The following PIWIL2 variants were observed in gnomAD, a reference collection of about 807,000 sequenced individuals.
PIWIL2 encodes the protein piwi-like protein 2.
PIWIL2 carries 81 observed loss-of-function variants against 116.5 expected under a neutral mutation model. That is an observed-to-expected ratio of 0.70 (90% CI 0.58 to 0.84). The LOEUF is 0.84. Among genes scored for constraint, PIWIL2 ranks in the 40% least tolerant of loss-of-function variants. The pLI, the probability that PIWIL2 is intolerant of heterozygous loss-of-function variation, is 0.00. For synonymous variants in PIWIL2, 489 were observed against 429.5 expected (o/e 1.14, Z -1.71); for missense variants, 1,272 against 1,212.3 (o/e 1.05, Z -0.73).
At chr8:22,287,785 G>T (rs1414492236) in intron 7 of PIWIL2, 140 bp downstream of exon 7, 6 of 649,808 alleles carry the variant, frequency 9.2e-6, no homozygotes, top group East Asian at 2.7e-5. Context: ...GGGACTACAG[G>T]CGTGTGAGCC....
chr8:22,289,834 CT>C lies in PIWIL2; in HGVS notation c.987-8del. On this transcript the variant is annotated splice_polypyrimidine_tract_variant and intron_variant, in intron 8 of 22. Transcript: ENST00000356766. ...TCTTCTATTAGAAAACTCATACTTG[CT>C]TTTTATTTCAGGGTAATGAAACTTT... The C allele has an allele frequency of 6.5e-7, 1 of 1,540,394 alleles. No homozygotes were observed. Among genetic ancestry groups the C allele is most frequent in the Non-Finnish European group, 9.0e-7 (1 of 1,114,036 alleles).
intron 20 of PIWIL2, among the ~76,000 whole-genome samples, chr8:22,327,062 C>G (rs1303089939): frequency 1.7e-5 from 2 of 120,312 alleles, no homozygotes; most frequent in East Asian, 2.7e-4. Flanking sequence ...GAGTCTTGCT[C>G]TCTCACCCAG....
intron 20 of PIWIL2, among the ~76,000 whole-genome samples, chr8:22,332,968 T>C (rs532820830): frequency 3.3e-5 from 5 of 152,134 alleles, no homozygotes; most frequent in Non-Finnish European, 7.3e-5. Flanking sequence ...GAAAAAAATG[T>C]CATGTGGCTA....
chr8:22,320,510 C>T (rs1179900781), intron 20 of PIWIL2, among the ~76,000 whole-genome samples: 1 of 151,742 alleles, frequency 6.6e-6, no homozygotes, highest in African/African-American at 2.4e-5. Context: ...CTCTTAATCT[C>T]AAGTGATCCG....
In PIWIL2 at chr8:22,302,693, A is replaced by C. The variant is rs369795608; in HGVS notation, c.1182-1328A>C. On this transcript the variant is annotated intron_variant, in intron 10 of 22. Coordinates refer to ENST00000356766, the MANE Select transcript of PIWIL2 (RefSeq NM_018068.5). ...TATACTCAAACCCCATGACTCCATA[A>C]GGCTTCCATCTCTGCTAATGGATTT... Among the ~76,000 whole-genome samples, 202 of 152,272 alleles carry C rather than the reference A, an allele frequency of 1.3e-3. 4 individuals are homozygous for C. In the South Asian group the frequency reaches 0.04, roughly 30 times the overall value.
intron 14 of PIWIL2, among the ~76,000 whole-genome samples, chr8:22,309,694 A>G (rs1433739191): frequency 6.6e-6 from 1 of 152,236 alleles, no homozygotes; most frequent in Admixed American, 6.5e-5. Context: ...CTAAATAGAC[A>G]ATGTTTTCAA....
intron 21 of PIWIL2, 89 bp from the exon 22 acceptor site, chr8:22,354,182 T>G (rs1293157846): frequency 1.2e-5 from 10 of 844,786 alleles, no homozygotes; most frequent in Non-Finnish European, 1.8e-5. Context: ...TGAGCTTTAG[T>G]TGAAGGAGCT....
At position 22,287,584 on chromosome 8, in the gene PIWIL2, T is replaced by C; in HGVS notation, c.800T>C (p.Val267Ala). ...GGCATGTTGAAGGACCATCAAGCTG[T>C]CACCGGCAACGTCACTGCGTTTGAT... ...RFGMLKDHQA[V>A]TGNVTAFDGS... Residue 267 changes from valine to alanine, a missense_variant, in exon 7 of 23, where the codon GTC (valine) becomes GCC (alanine). Transcript: ENST00000356766. The C allele has an allele frequency of 6.2e-7, 1 of 1,614,066 alleles. No homozygotes were observed. The highest frequency in any genetic ancestry group is 1.1e-5 in the South Asian group (1 of 91,086).
chr8:22,314,553 C>G (rs1222573065), intron 17 of PIWIL2, 124 bp downstream of exon 17: 1 of 464,680 alleles, frequency 2.2e-6, no homozygotes, highest in Non-Finnish European at 3.8e-6. Flanking sequence ...GCTGAGCCTT[C>G]TGGTGAAAGG....
At chr8:22,288,689 A>T (rs778743168) in intron 8 of PIWIL2, 23 bp downstream of exon 8, 2 of 1,595,060 alleles carry the variant, frequency 1.3e-6, no homozygotes, top group Non-Finnish European at 1.7e-6. Flanking sequence ...CTGAAGTTCT[A>T]TTGTCCTGTA....
At chr8:22,308,503 AT>A (rs1321127441) in intron 14 of PIWIL2, among the ~76,000 whole-genome samples, 9 of 152,050 alleles carry the variant, frequency 5.9e-5, no homozygotes, top group African/African-American at 9.7e-5. Context: ...AAACACAAAA[AT>A]TAGCTGAGTG....
chr8:22,295,297 CT>C (rs1402900664), intron 10 of PIWIL2, among the ~76,000 whole-genome samples: 74 of 151,756 alleles, frequency 4.9e-4, no homozygotes, highest in Non-Finnish European at 9.9e-4. Flanking sequence ...CCTCAGCTTC[CT>C]GAGTAACTGG....
intron 20 of PIWIL2, among the ~76,000 whole-genome samples, chr8:22,326,088 T>A (rs1019220434): frequency 6.6e-6 from 1 of 152,146 alleles, no homozygotes; most frequent in Non-Finnish European, 1.5e-5. Context: ...GTCTACTCAT[T>A]TCATGGAGCC....
At chr8:22,279,000 C>G (rs1488827478) in intron 1 of PIWIL2, among the ~76,000 whole-genome samples, 5 of 152,112 alleles carry the variant, frequency 3.3e-5, no homozygotes, top group Admixed American at 1.3e-4. Context: ...TATTATATTT[C>G]ATTATCTATT....
In PIWIL2 at chr8:22,356,411, G is replaced by A. The variant is rs1014060912; in HGVS notation, c.*906G>A. The A allele has an allele frequency of 7.2e-5, 11 of 152,182 alleles. No homozygotes were observed. The highest frequency in any genetic ancestry group is 2.4e-4 in the African/African-American group (10 of 41,428). The allele number at this position is 152,182 out of a possible 1,614,324, so 9.4% of individuals were successfully genotyped here. ...TTGGATTCGAAAATGGCTTCCCTTG[G>A]CCTCTTGAAAGAGTGCAGATGAAGC... On this transcript the variant is annotated 3_prime_UTR_variant, in exon 23 of 23. Coordinates refer to ENST00000356766, the MANE Select transcript of PIWIL2 (RefSeq NM_018068.5).
intron 20 of PIWIL2, among the ~76,000 whole-genome samples, chr8:22,330,910 C>A (rs1477629732): frequency 6.6e-6 from 1 of 152,036 alleles, no homozygotes; most frequent in Non-Finnish European, 1.5e-5. Context: ...CGAGGTGGCT[C>A]ACGCCTGTAA....
At position 22,304,151 on chromosome 8, in the gene PIWIL2, C is replaced by G. The variant is rs776796331; in HGVS notation, c.1312C>G (p.Pro438Ala). 5 of 1,613,492 alleles carry G rather than the reference C, an allele frequency of 3.1e-6. No individual in the cohort carries two copies. The highest frequency in any genetic ancestry group is 1.1e-5 in the South Asian group (1 of 91,034). Residue 438 changes from proline to alanine, a missense_variant, in exon 11 of 23, where the codon CCA (proline) becomes GCA (alanine). Transcript: ENST00000356766. ...TGATGATGTGGATTGGAATAAGACT[C>G]CAAAGGATAGCTTCACGATGTCTGA... ...RIDDVDWNKT[P>A]KDSFTMSDGK...
At position 22,277,562 on chromosome 8, in the gene PIWIL2, G is replaced by C. The variant is rs558220512; in HGVS notation, c.-46-1779G>C. ...TATTTTTTAATTATTTGTAGAGACA[G>C]GGTCTCGTTGTGTTCCTAAGACTGG... On this transcript the variant is annotated intron_variant, in intron 1 of 22. Transcript: ENST00000356766. Among the ~76,000 whole-genome samples the C allele has an allele frequency of 3.6e-3, 550 of 152,154 alleles. 5 individuals are homozygous for C. Among genetic ancestry groups the C allele is most frequent in the African/African-American group, 0.013 (533 of 41,504 alleles).
chr8:22,330,420 C>T (rs767748545), intron 20 of PIWIL2, among the ~76,000 whole-genome samples: 4 of 152,016 alleles, frequency 2.6e-5, no homozygotes, highest in Admixed American at 6.6e-5. Context: ...TTGATATAGC[C>T]GGGCGTGGTG....
Sources: gnomAD v4.1 joint callset for allele counts (sites outside exome capture counted in the v4.1 genomes callset) on GRCh38, gnomAD v4.1.1 for gene constraint, MANE v1.5 for transcripts, NCBI Gene and HGNC (gene_info 2026-07-23, HGNC 2026-07-21) for gene names.